KCNIP4: variants seen among roughly 807,000 people sequenced by gnomAD.
The protein encoded by KCNIP4 is Kv channel-interacting protein 4.
A neutral mutation model predicts 34.0 loss-of-function variants in KCNIP4; 12 were observed. That is an observed-to-expected ratio of 0.35 (90% confidence interval 0.23 to 0.57). The LOEUF is 0.57. Among genes scored for constraint, KCNIP4 ranks in the 20% least tolerant of loss-of-function variants. The pLI, the probability that KCNIP4 is intolerant of heterozygous loss-of-function variation, is 0.83. For missense variants in KCNIP4, 238 were observed against 311.7 expected, an observed-to-expected ratio of 0.76 and a Z score of 1.78; for synonymous variants, 124 against 102.2, an observed-to-expected ratio of 1.21 and a Z score of -1.29.
chr4:21,521,815 T>C (rs1339073774), intron 1 of KCNIP4, among the ~76,000 whole-genome samples: 1 of 152,082 alleles, frequency 6.6e-6, no homozygotes, highest in Non-Finnish European at 1.5e-5. Context: ...ACCCATGCAA[T>C]GGATGGAAGT....
intron 1 of KCNIP4, among the ~76,000 whole-genome samples, chr4:21,051,939 G>C (rs1037815155): frequency 6.6e-6 from 1 of 152,188 alleles, no homozygotes; most frequent in Non-Finnish European, 1.5e-5. Flanking sequence ...TCTGGCACAA[G>C]TTCAGGAGCA....
At chr4:21,765,467 G>A (rs34375823) in intron 1 of KCNIP4, among the ~76,000 whole-genome samples, 1 of 151,772 alleles carries the variant, frequency 6.6e-6, no homozygotes, top group Non-Finnish European at 1.5e-5. Flanking sequence ...CCTTTTTTAT[G>A]CAGACTTGCT....
intron 1 of KCNIP4, among the ~76,000 whole-genome samples, chr4:21,337,059 G>A (rs1044821689): frequency 6.6e-6 from 1 of 151,516 alleles, no homozygotes; most frequent in African/African-American, 2.4e-5. Context: ...ATGGCAGGTG[G>A]GGTCGTAAAA....
chr4:21,159,311 T>C (rs1753403257), intron 1 of KCNIP4, among the ~76,000 whole-genome samples: 1 of 152,184 alleles, frequency 6.6e-6, no homozygotes, highest in Non-Finnish European at 1.5e-5. Flanking sequence ...ATGTAGAATA[T>C]TGATTTTTAA....
At chr4:21,305,347 T>G (rs1439763087) in intron 1 of KCNIP4, among the ~76,000 whole-genome samples, 1 of 152,188 alleles carries the variant, frequency 6.6e-6, no homozygotes, top group Admixed American at 6.5e-5. Flanking sequence ...AACATCTCAG[T>G]GTCTTAATGT....
At chr4:21,049,140 C>T (rs1254965905) in intron 1 of KCNIP4, among the ~76,000 whole-genome samples, 1 of 150,922 alleles carries the variant, frequency 6.6e-6, no homozygotes, top group African/African-American at 2.4e-5. Flanking sequence ...TTAGTAGAGA[C>T]GGGGTTTCAC....
chr4:21,625,959 G>C (rs774942156), intron 1 of KCNIP4, among the ~76,000 whole-genome samples: 1 of 152,066 alleles, frequency 6.6e-6, no homozygotes, highest in African/African-American at 2.4e-5. Context: ...ACAAATGAGA[G>C]GCTAGGCTTG....
rs138385261 is a variant in KCNIP4 at position 21,214,559 on chromosome 4, T to G, written c.62-331850A>C. On this transcript the variant is annotated intron_variant, in intron 1 of 8. Coordinates refer to ENST00000382152, the MANE Select transcript of KCNIP4 (RefSeq NM_025221.6). ...AGTTTGATTACCTGTGTTGCATGGA[T>G]GTAGCATATATTTTCATCTTTGTCA... Among the ~76,000 whole-genome samples, 454 of 152,308 alleles carry G rather than the reference T, an allele frequency of 3.0e-3. 4 individuals are homozygous for G. Among genetic ancestry groups the G allele is most frequent in the African/African-American group, 0.01 (421 of 41,556 alleles).
At chr4:20,902,862 G>T (rs1361087659) in intron 1 of KCNIP4, among the ~76,000 whole-genome samples, 3 of 152,140 alleles carry the variant, frequency 2.0e-5, no homozygotes, top group African/African-American at 7.2e-5. Flanking sequence ...AAAATTAAAT[G>T]ACTGTGTTCT....
chr4:21,766,305 C>A (rs1239762553), intron 1 of KCNIP4, among the ~76,000 whole-genome samples: 1 of 152,110 alleles, frequency 6.6e-6, no homozygotes, highest in African/African-American at 2.4e-5. Flanking sequence ...CAATAATAAC[C>A]CTTGAGACAG....
At chr4:20,912,223 C>T (rs1246076981) in intron 1 of KCNIP4, among the ~76,000 whole-genome samples, 2 of 151,826 alleles carry the variant, frequency 1.3e-5, no homozygotes, top group African/African-American at 4.8e-5. Context: ...CAGATTTATC[C>T]AGATTAAAAA....
chr4:20,751,881 A>G (rs1369508068), intron 4 of KCNIP4, among the ~76,000 whole-genome samples: 1 of 152,118 alleles, frequency 6.6e-6, no homozygotes, highest in South Asian at 2.1e-4. Context: ...TTCCCAGTCT[A>G]GACAATCTAT....
intron 1 of KCNIP4, among the ~76,000 whole-genome samples, chr4:21,501,333 A>C (rs1195889085): frequency 6.6e-6 from 1 of 151,422 alleles, no homozygotes; most frequent in Non-Finnish European, 1.5e-5. Flanking sequence ...ACTTGTCATC[A>C]CTTTGCACAT....
intron 2 of KCNIP4, among the ~76,000 whole-genome samples, chr4:20,875,506 C>T (rs901655626): frequency 6.6e-6 from 1 of 152,158 alleles, no homozygotes; most frequent in African/African-American, 2.4e-5. Flanking sequence ...ATAAAAATAA[C>T]ATCTGAGGGT....
At chr4:21,897,433 A>T (rs1330583313) in intron 1 of KCNIP4, among the ~76,000 whole-genome samples, 2 of 152,130 alleles carry the variant, frequency 1.3e-5, no homozygotes, top group Non-Finnish European at 2.9e-5. Flanking sequence ...TGCTGTAAAA[A>T]TCCTCGAAGA....
intron 1 of KCNIP4, among the ~76,000 whole-genome samples, chr4:21,216,988 T>C (rs1349746702): frequency 6.6e-6 from 1 of 152,214 alleles, no homozygotes; most frequent in African/African-American, 2.4e-5. Context: ...ATACCTATTG[T>C]GATTTCAATT....
intron 1 of KCNIP4, among the ~76,000 whole-genome samples, chr4:21,179,572 A>C (rs1175055864): frequency 6.6e-6 from 1 of 152,176 alleles, no homozygotes; most frequent in Non-Finnish European, 1.5e-5. Flanking sequence ...TTCTTTAGTC[A>C]TGGGTAAATA....
At chr4:21,427,551 G>A (rs575237735) in intron 1 of KCNIP4, among the ~76,000 whole-genome samples, 5 of 152,240 alleles carry the variant, frequency 3.3e-5, no homozygotes, top group Admixed American at 6.5e-5. Flanking sequence ...CAGGGAGCAG[G>A]CTTGGTCTTC....
intron 1 of KCNIP4, among the ~76,000 whole-genome samples, chr4:21,659,778 T>C (rs1415981354): frequency 6.6e-6 from 1 of 152,184 alleles, no homozygotes; most frequent in Non-Finnish European, 1.5e-5. Context: ...ACCTTACTTG[T>C]TATTCCTCAT....
Sources: gnomAD v4.1 joint callset for allele counts (sites outside exome capture counted in the v4.1 genomes callset) on GRCh38, gnomAD v4.1.1 for gene constraint, MANE v1.5 for transcripts, NCBI Gene and HGNC (gene_info 2026-07-23, HGNC 2026-07-21) for gene names.